Variants in RERE observed in about 807,000 individuals in gnomAD.
RERE encodes arginine-glutamic acid dipeptide repeats protein.
A neutral mutation model predicts 146.1 loss-of-function variants in RERE; 40 were observed. That is an observed-to-expected ratio of 0.27 (90% CI 0.21 to 0.36). The LOEUF is 0.36. RERE is among the 10% of genes least tolerant of loss of function. The probability of loss-of-function intolerance (pLI) is 1.00; values close to 1 mark genes in which losing one functional copy is unlikely to be tolerated. For synonymous variants in RERE, 1,003 were observed against 866.0 expected, an observed-to-expected ratio of 1.16 and a Z score of -2.78; for missense variants, 1,933 against 2,138.7, an observed-to-expected ratio of 0.90 and a Z score of 1.90.
intron 11 of RERE, among the ~76,000 whole-genome samples, chr1:8,446,364 T>C (rs1557636363): frequency 2.0e-5 from 3 of 152,230 alleles, no homozygotes; most frequent in Non-Finnish European, 4.4e-5. Flanking sequence ...TCATCTGATA[T>C]GGGCTTCCCT....
intron 2 of RERE, among the ~76,000 whole-genome samples, chr1:8,638,718 T>A (rs1647133212): frequency 6.6e-6 from 1 of 152,142 alleles, no homozygotes; most frequent in Non-Finnish European, 1.5e-5. Context: ...ATTTTATTCC[T>A]TGAAAATGTA....
intron 1 of RERE, among the ~76,000 whole-genome samples, chr1:8,713,259 C>G (rs1194204913): frequency 6.6e-6 from 1 of 152,132 alleles, no homozygotes; most frequent in Admixed American, 6.5e-5. Flanking sequence ...CCATTTGATA[C>G]AAGTTTTCTA....
At chr1:8,651,275 G>A (rs1490994613) in intron 2 of RERE, among the ~76,000 whole-genome samples, 1 of 151,448 alleles carries the variant, frequency 6.6e-6, no homozygotes, top group African/African-American at 2.4e-5. Context: ...TAGGCCAGGT[G>A]TAAGCACACC....
chr1:8,558,782 CT>C (rs371880016), intron 4 of RERE, among the ~76,000 whole-genome samples: 29 of 144,018 alleles, frequency 2.0e-4, no homozygotes, highest in Non-Finnish European at 1.8e-4. Context: ...TGTGTTATTT[CT>C]TTTTTTTTTC....
rs538721645 is a variant in RERE at position 8,707,234 on chromosome 1, G to T, written c.-144-50793C>A. Among the ~76,000 whole-genome samples, 38 of 152,356 alleles carry T rather than the reference G, an allele frequency of 2.5e-4. No homozygotes were observed. The South Asian group carries it at 7.7e-3, about 31-fold the overall frequency. ...AGCACTCTATATTCTACAGGCCTCA[G>T]CATGCAGCCAAGTGAGCTGACATCT... On this transcript the variant is annotated intron_variant, in intron 1 of 22. Transcript: ENST00000400908.
chr1:8,532,377 T>A (rs1645666537), intron 7 of RERE, among the ~76,000 whole-genome samples: 1 of 145,768 alleles, frequency 6.9e-6, no homozygotes, highest in Admixed American at 7.3e-5. Flanking sequence ...AATTCACCTG[T>A]AAAGCATGAG....
At chr1:8,554,274 A>C (rs1645976976) in intron 6 of RERE, among the ~76,000 whole-genome samples, 1 of 152,210 alleles carries the variant, frequency 6.6e-6, no homozygotes, top group South Asian at 2.1e-4. Context: ...TGTTGAATAC[A>C]GTTACATATC....
At chr1:8,685,447 C>T (rs1570606691) in intron 1 of RERE, among the ~76,000 whole-genome samples, 2 of 152,168 alleles carry the variant, frequency 1.3e-5, no homozygotes, top group South Asian at 2.1e-4. Context: ...TAAGGCCGGG[C>T]GCGGTGGCTC....
Position 8,355,407 on chromosome 1 carries a change from A to T in RERE, c.4667+12T>A. 6.2e-7 allele frequency: 1 copy of T among 1,611,198 alleles called. No homozygotes were observed. The highest frequency in any genetic ancestry group is 2.2e-5 in the East Asian group (1 of 44,848). On this transcript the variant is annotated intron_variant, in intron 22 of 22. Coordinates refer to ENST00000400908, the MANE Select transcript of RERE (RefSeq NM_001042681.2). Reference sequence around the variant, plus strand: ...GATAACCCCTCCACTCCCTCCCAGCACCCCACCTCACCTGTAATAATCTTC... The same window carrying T: ...GATAACCCCTCCACTCCCTCCCAGCTCCCCACCTCACCTGTAATAATCTTC...
chr1:8,523,320 G>T (rs368858545), intron 7 of RERE, among the ~76,000 whole-genome samples: 1 of 152,230 alleles, frequency 6.6e-6, no homozygotes, highest in African/African-American at 2.4e-5. Flanking sequence ...GGCTCCCTCA[G>T]ATTCGAATTC....
intron 10 of RERE, among the ~76,000 whole-genome samples, chr1:8,489,353 T>TA (rs34100059): frequency 3.5e-4 from 49 of 138,548 alleles, no homozygotes; most frequent in Middle Eastern, 7.3e-3. Context: ...AAGTGAGACT[T>TA]AAAAAAAAAA....
Position 8,786,318 on chromosome 1 carries a change from C to T in RERE, c.-145+30842G>A, listed in dbSNP as rs553265498. The T allele has an allele frequency of 7.1e-4, 626 of 885,672 alleles. 2 individuals are homozygous for T. The highest frequency in any genetic ancestry group is 1.0e-3 in the Non-Finnish European group (556 of 536,548). The allele number at this position is 885,672 out of a possible 1,614,324, so 54.9% of individuals were successfully genotyped here. A position where few individuals can be genotyped will look rare whatever the true frequency, so the allele number is the denominator to read the frequency against. ...GTGGAGAAAATAATTTGAAGGGCCACAGGAAGTTATTTGCTTCTTTAAAGC... is the reference window on the plus strand; with the variant it reads ...GTGGAGAAAATAATTTGAAGGGCCATAGGAAGTTATTTGCTTCTTTAAAGC... On this transcript the variant is annotated intron_variant, in intron 1 of 22. Transcript: ENST00000400908.
chr1:8,496,763 G>A (rs965225110), intron 9 of RERE, among the ~76,000 whole-genome samples: 3 of 152,184 alleles, frequency 2.0e-5, no homozygotes, highest in Admixed American at 1.3e-4. Context: ...CCACGAGGGT[G>A]ATCACAGATA....
At chr1:8,421,758 T>C (rs1570201249) in intron 12 of RERE, among the ~76,000 whole-genome samples, 1 of 152,158 alleles carries the variant, frequency 6.6e-6, no homozygotes, top group African/African-American at 2.4e-5. Context: ...CATACTTTTA[T>C]AGTAGATATT....
chr1:8,613,549 T>A (rs1251372278), intron 4 of RERE, among the ~76,000 whole-genome samples: 4 of 152,348 alleles, frequency 2.6e-5, no homozygotes, highest in Non-Finnish European at 5.9e-5. Flanking sequence ...ACAGCCCATC[T>A]GGAGCACTTT....
chr1:8,450,244 C>CGA (rs1644374919), intron 11 of RERE, among the ~76,000 whole-genome samples: 1 of 152,060 alleles, frequency 6.6e-6, no homozygotes, highest in African/African-American at 2.4e-5. Context: ...AAAACTCTAT[C>CGA]TTCTCGTACC....
At chr1:8,519,140 G>A (rs2124334215) in intron 7 of RERE, among the ~76,000 whole-genome samples, 1 of 152,246 alleles carries the variant, frequency 6.6e-6, no homozygotes, top group African/African-American at 2.4e-5. Context: ...CAGCACTTTG[G>A]GTGGCCAAGG....
chr1:8,478,233 C>CT (rs775368201), intron 10 of RERE, among the ~76,000 whole-genome samples: 7 of 152,208 alleles, frequency 4.6e-5, no homozygotes, highest in Non-Finnish European at 8.8e-5. Context: ...AGCTCAAACT[C>CT]TAACAGTTGC....
chr1:8,605,841 C>A (rs1646701341), intron 4 of RERE, among the ~76,000 whole-genome samples: 2 of 45,152 alleles, frequency 4.4e-5, no homozygotes, highest in African/African-American at 8.6e-5. Flanking sequence ...TGTTAAATAC[C>A]AAACTTTTTT....
Sources: gnomAD v4.1 joint callset for allele counts (sites outside exome capture counted in the v4.1 genomes callset) on GRCh38, gnomAD v4.1.1 for gene constraint, MANE v1.5 for transcripts, NCBI Gene and HGNC (gene_info 2026-07-23, HGNC 2026-07-21) for gene names.